OTUD7A: variants seen among roughly 807,000 people sequenced by gnomAD.
The protein encoded by OTUD7A is OTU deubiquitinase 7A, also known as OTU domain-containing protein 7A.
In OTUD7A, 12 loss-of-function variants were observed where a neutral mutation model predicts 65.7. That is an observed-to-expected ratio of 0.18 (90% confidence interval 0.12 to 0.30). OTUD7A has a LOEUF of 0.30. Ranked by LOEUF, OTUD7A falls within the 10% of genes least tolerant of loss-of-function variation. The pLI is 1.00. For missense variants in OTUD7A, 1,148 were observed against 1,304.8 expected (o/e 0.88, Z 1.85); for synonymous variants, 641 against 586.3 (o/e 1.09, Z -1.35).
intron 1 of OTUD7A, among the ~76,000 whole-genome samples, chr15:31,786,080 C>T (rs1034426986): frequency 5.9e-5 from 9 of 152,112 alleles, no homozygotes; most frequent in Admixed American, 1.3e-4. Flanking sequence ...TGAGCCAGCA[C>T]GCTCAGCCCT....
intron 3 of OTUD7A, among the ~76,000 whole-genome samples, chr15:31,597,495 C>T (rs1468804940): frequency 4.6e-5 from 7 of 150,648 alleles, no homozygotes; most frequent in Admixed American, 1.3e-4. Context: ...TTTAACATAC[C>T]ATTTTACAGT....
intron 3 of OTUD7A, among the ~76,000 whole-genome samples, chr15:31,636,975 A>G (rs1204330693): frequency 1.3e-5 from 2 of 152,152 alleles, no homozygotes; most frequent in Non-Finnish European, 2.9e-5. Context: ...CTTCAATAAC[A>G]TAAAAGTTTC....
chr15:31,568,805 C>T (rs1193041306), intron 4 of OTUD7A, among the ~76,000 whole-genome samples: 1 of 152,158 alleles, frequency 6.6e-6, no homozygotes, highest in Non-Finnish European at 1.5e-5. Context: ...AAGTATGCAG[C>T]ACCTCTGCCT....
chr15:31,569,297 C>T (rs1230770459), intron 4 of OTUD7A, among the ~76,000 whole-genome samples: 1 of 152,048 alleles, frequency 6.6e-6, no homozygotes, highest in Non-Finnish European at 1.5e-5. Context: ...CGACAAAAAC[C>T]CAAGCAAAAA....
chr15:31,659,898 C>T (rs1892110159), intron 1 of OTUD7A, among the ~76,000 whole-genome samples: 1 of 152,250 alleles, frequency 6.6e-6, no homozygotes, highest in South Asian at 2.1e-4. Context: ...GAGCTGATGG[C>T]CTGGCTGGGT....
At chr15:31,817,674 T>C (rs1896585119) in intron 1 of OTUD7A, among the ~76,000 whole-genome samples, 1 of 152,130 alleles carries the variant, frequency 6.6e-6, no homozygotes, top group African/African-American at 2.4e-5. Flanking sequence ...TGCCCACAAC[T>C]AAGGTGATGT....
intron 1 of OTUD7A, among the ~76,000 whole-genome samples, chr15:31,740,444 G>T (rs1467449545): frequency 1.3e-5 from 2 of 152,038 alleles, no homozygotes; most frequent in African/African-American, 4.8e-5. Flanking sequence ...GGGGAGGGTG[G>T]GAGGTGGGAG....
At chr15:31,534,840 C>T (rs1887744549) in intron 5 of OTUD7A, among the ~76,000 whole-genome samples, 1 of 152,142 alleles carries the variant, frequency 6.6e-6, no homozygotes, top group South Asian at 2.1e-4. Context: ...TCTGTGGAAC[C>T]TGTATGTCTA....
intron 1 of OTUD7A, among the ~76,000 whole-genome samples, chr15:31,725,751 G>T (rs147438173): frequency 0.027 from 4,037 of 152,238 alleles, 81 homozygotes; most frequent in Middle Eastern, 0.051. Flanking sequence ...GCATTTAATT[G>T]CCAGTGCTTA....
At chr15:31,711,351 C>G (rs951021867) in intron 1 of OTUD7A, among the ~76,000 whole-genome samples, 2 of 152,006 alleles carry the variant, frequency 1.3e-5, no homozygotes, top group African/African-American at 4.8e-5. Flanking sequence ...ATATTCTTTT[C>G]CCGGTTCTGT....
intron 1 of OTUD7A, among the ~76,000 whole-genome samples, chr15:31,726,054 G>GTT (rs55709390): frequency 6.8e-6 from 1 of 146,916 alleles, no homozygotes. Flanking sequence ...GCCAGACAGA[G>GTT]TTTTTTTTTT....
chr15:31,668,709 G>T (rs1892396068), intron 1 of OTUD7A, among the ~76,000 whole-genome samples: 1 of 152,108 alleles, frequency 6.6e-6, no homozygotes, highest in South Asian at 2.1e-4. Flanking sequence ...GATTTTTTGG[G>T]GGGTGTTAAA....
intron 1 of OTUD7A, among the ~76,000 whole-genome samples, chr15:31,854,204 T>C (rs1391157251): frequency 6.6e-6 from 1 of 152,202 alleles, no homozygotes; most frequent in African/African-American, 2.4e-5. Context: ...CCTCATTCTT[T>C]GGCTTATGGA....
chr15:31,644,107 T>A lies in OTUD7A; in HGVS notation c.151+10989A>T, dbSNP rs1281034404. On this transcript the variant is annotated intron_variant, in intron 3 of 12. Coordinates refer to ENST00000307050, the MANE Select transcript of OTUD7A (RefSeq NM_001382637.1). Reference sequence around the variant, plus strand: ...AGCTCAGGCAAAAGACCTGCCTGTATAATAAAAGGGTGGGGTGGGGGATGC... The same window carrying A: ...AGCTCAGGCAAAAGACCTGCCTGTAAAATAAAAGGGTGGGGTGGGGGATGC... Among the ~76,000 whole-genome samples the A allele has an allele frequency of 2.0e-5, 3 of 151,918 alleles. No homozygotes were observed. In the East Asian group the frequency reaches 5.8e-4, roughly 30 times the overall value.
chr15:31,672,530 T>C (rs557503578), intron 1 of OTUD7A, among the ~76,000 whole-genome samples: 29 of 152,318 alleles, frequency 1.9e-4, no homozygotes, highest in Non-Finnish European at 4.1e-4. Context: ...TTAACTCTCC[T>C]ACAGGCAACA....
At chr15:31,676,900 C>T (rs561405135) in intron 1 of OTUD7A, among the ~76,000 whole-genome samples, 5 of 152,334 alleles carry the variant, frequency 3.3e-5, no homozygotes, top group African/African-American at 9.6e-5. Context: ...AGAAGTAAAA[C>T]TGTAAGTGTG....
chr15:31,773,188 A>C (rs1036892046), intron 1 of OTUD7A, among the ~76,000 whole-genome samples: 2 of 152,264 alleles, frequency 1.3e-5, no homozygotes, highest in Non-Finnish European at 2.9e-5. Flanking sequence ...TTTATATAAA[A>C]CATTTACATA....
chr15:31,599,075 G>A (rs534403378), intron 3 of OTUD7A, among the ~76,000 whole-genome samples: 47 of 152,292 alleles, frequency 3.1e-4, no homozygotes, highest in Non-Finnish European at 4.6e-4. Flanking sequence ...GGCTGTGGGC[G>A]CAGCTTCAGC....
At chr15:31,640,257 T>C (rs1891470615) in intron 3 of OTUD7A, among the ~76,000 whole-genome samples, 1 of 152,104 alleles carries the variant, frequency 6.6e-6, no homozygotes, top group African/African-American at 2.4e-5. Context: ...AATGACACAA[T>C]GGACTTTGAG....
Sources: gnomAD v4.1 joint callset for allele counts (sites outside exome capture counted in the v4.1 genomes callset) on GRCh38, gnomAD v4.1.1 for gene constraint, MANE v1.5 for transcripts, NCBI Gene and HGNC (gene_info 2026-07-23, HGNC 2026-07-21) for gene names.